Variants in GAN observed in about 807,000 individuals in gnomAD.
GAN encodes gigaxonin.
Under a neutral mutation model 71.3 loss-of-function variants are expected in GAN, and 48 were observed. The ratio of observed to expected loss-of-function variants is 0.67; its 90% CI spans 0.53 to 0.86. GAN has a LOEUF of 0.86. Ranked by LOEUF, GAN falls within the 40% of genes least tolerant of loss-of-function variation. The probability of loss-of-function intolerance (pLI) is 0.00; values close to 1 mark genes in which losing one functional copy is unlikely to be tolerated. For synonymous variants in GAN, 386 were observed against 276.8 expected, an observed-to-expected ratio of 1.39 and a Z score of -3.92; for missense variants, 928 against 770.1, an observed-to-expected ratio of 1.21 and a Z score of -2.43.
intron 9 of GAN, among the ~76,000 whole-genome samples, chr16:81,366,239 G>C (rs117653867): frequency 2.0e-5 from 3 of 152,118 alleles, no homozygotes; most frequent in Non-Finnish European, 4.4e-5. Context: ...GTCCACCTTC[G>C]TCAGCTCTGT....
At chr16:81,333,975 C>T (rs1320341180) in intron 1 of GAN, among the ~76,000 whole-genome samples, 1 of 152,220 alleles carries the variant, frequency 6.6e-6, no homozygotes. Flanking sequence ...AGTTTCATTG[C>T]ACTGCCTTCC....
chr16:81,321,630 A>G (rs1264260059), intron 1 of GAN, among the ~76,000 whole-genome samples: 4 of 152,218 alleles, frequency 2.6e-5, no homozygotes, highest in Non-Finnish European at 5.9e-5. Context: ...ATCTATTTAT[A>G]ATTTGTAAGG....
chr16:81,332,751 T>A (rs1909625725), intron 1 of GAN, among the ~76,000 whole-genome samples: 1 of 152,226 alleles, frequency 6.6e-6, no homozygotes, highest in South Asian at 2.1e-4. Flanking sequence ...ACTAGTCAGT[T>A]ATTTTATAGA....
In GAN at chr16:81,382,091, G is replaced by C. The variant is rs1904308371; in HGVS notation, c.*4495G>C. 6.6e-6 allele frequency: 1 copy of C among 152,156 alleles called. No individual in the cohort carries two copies. Among genetic ancestry groups the C allele is most frequent in the East Asian group, 1.9e-4 (1 of 5,168 alleles). The allele number at this position is 152,156 out of a possible 1,614,324, so 9.4% of individuals were successfully genotyped here. A position where few individuals can be genotyped will look rare whatever the true frequency, so the allele number is the denominator to read the frequency against. ...TATATGGGTGTCAAAATCTTTCCAGGACATACCCCTTTGATCCTCACACCT... is the reference window on the plus strand; with the variant it reads ...TATATGGGTGTCAAAATCTTTCCAGCACATACCCCTTTGATCCTCACACCT... On this transcript the variant is annotated 3_prime_UTR_variant, in exon 11 of 11. Transcript: ENST00000648994.
At chr16:81,354,834 C>T (rs578071268) in intron 3 of GAN, 79 bp downstream of exon 3, 1 of 828,274 alleles carries the variant, frequency 1.2e-6, no homozygotes, top group Non-Finnish European at 2.0e-6. Context: ...TATTTTTCTT[C>T]TTCATCATGA....
chr16:81,376,627 C>T (rs1426938682), intron 9 of GAN, among the ~76,000 whole-genome samples: 5 of 145,166 alleles, frequency 3.4e-5, no homozygotes, highest in South Asian at 4.3e-4. Flanking sequence ...TGTATATATA[C>T]ATACATATAT....
At chr16:81,360,900 C>A (rs888629441) in intron 5 of GAN, among the ~76,000 whole-genome samples, 1 of 152,148 alleles carries the variant, frequency 6.6e-6, no homozygotes, top group African/African-American at 2.4e-5. Flanking sequence ...TGTCTGATAT[C>A]TGTGGCTGCA....
Position 81,377,837 on chromosome 16 carries a change from A to C in GAN, c.*241A>C. ...AGTTAAATGTGGCTGTAGATGTTGGAGGCTAGGGAGGCTAGTAAATATCAA... is the reference window on the plus strand; with the variant it reads ...AGTTAAATGTGGCTGTAGATGTTGGCGGCTAGGGAGGCTAGTAAATATCAA... On this transcript the variant is annotated 3_prime_UTR_variant, in exon 11 of 11. Transcript: ENST00000648994. 1 of 566,252 alleles carries C rather than the reference A, an allele frequency of 1.8e-6. No homozygotes were observed. Among genetic ancestry groups the C allele is most frequent in the Non-Finnish European group, 3.2e-6 (1 of 316,280 alleles). 35.1% of individuals were successfully genotyped at this position (566,252 alleles called of 1,614,324 possible).
chr16:81,337,488 G>A (rs180979423), intron 1 of GAN, among the ~76,000 whole-genome samples: 2 of 152,300 alleles, frequency 1.3e-5, no homozygotes, highest in East Asian at 1.9e-4. Flanking sequence ...ATTCAGTCAC[G>A]TCTAAAATGA....
intron 1 of GAN, among the ~76,000 whole-genome samples, chr16:81,350,071 A>G (rs1910247718): frequency 6.6e-6 from 1 of 152,104 alleles, no homozygotes; most frequent in African/African-American, 2.4e-5. Flanking sequence ...CAGTTTGTTT[A>G]AGAAGTCTTT....
chr16:81,322,107 T>C (rs1473046032), intron 1 of GAN, among the ~76,000 whole-genome samples: 1 of 152,262 alleles, frequency 6.6e-6, no homozygotes, highest in East Asian at 1.9e-4. Context: ...GTCAGATGTT[T>C]GCTGCATTCA....
At position 81,386,163 on chromosome 16, in the gene GAN, A is replaced by G. The variant is rs1904394500; in HGVS notation, c.*8567A>G. 1 of 152,256 alleles carries G rather than the reference A, an allele frequency of 6.6e-6. No homozygotes were observed. Among genetic ancestry groups the G allele is most frequent in the Admixed American group, 6.5e-5 (1 of 15,286 alleles). 9.4% of individuals were successfully genotyped at this position (152,256 alleles called of 1,614,324 possible). The stretch of plus-strand genomic sequence containing the variant: ...CAAAATATGTGTTTAGAATACTTAG[A>G]GTTTGTTATAAATAACCCTCTGTTT... On this transcript the variant is annotated 3_prime_UTR_variant, in exon 11 of 11. Coordinates refer to ENST00000648994, the MANE Select transcript of GAN (RefSeq NM_022041.4).
intron 5 of GAN, among the ~76,000 whole-genome samples, chr16:81,360,034 G>A (rs944284972): frequency 4.6e-5 from 6 of 129,182 alleles, no homozygotes; most frequent in African/African-American, 1.7e-4. Context: ...TGGATGGATG[G>A]ATGGATGGAT....
At chr16:81,329,118 C>T (rs987001130) in intron 1 of GAN, among the ~76,000 whole-genome samples, 1 of 151,904 alleles carries the variant, frequency 6.6e-6, no homozygotes, top group Admixed American at 6.6e-5. Flanking sequence ...AAGGCCTATC[C>T]TCCCTGACTG....
intron 1 of GAN, among the ~76,000 whole-genome samples, chr16:81,326,363 CAAAA>C (rs66769713): frequency 0.9 from 125,648 of 138,846 alleles, 56,721 homozygotes; most frequent in Middle Eastern, 0.94. Flanking sequence ...ACTAAAAATA[CAAAA>C]AAAAAAAAAA....
intron 1 of GAN, among the ~76,000 whole-genome samples, chr16:81,332,161 CAAA>C (rs397855942): frequency 6.6e-5 from 4 of 60,656 alleles, no homozygotes; most frequent in Non-Finnish European, 3.0e-5. Context: ...AAATCTGTCT[CAAA>C]AAAAAAAAAA....
intron 1 of GAN, among the ~76,000 whole-genome samples, chr16:81,349,966 C>G (rs1038212600): frequency 3.3e-5 from 5 of 151,738 alleles, no homozygotes; most frequent in Non-Finnish European, 7.4e-5. Context: ...TTTTTTAAAC[C>G]TTAAATTTTC....
chr16:81,339,556 C>T lies in GAN; in HGVS notation c.168-12027C>T. Among the ~76,000 whole-genome samples the T allele has an allele frequency of 1.3e-5, 2 of 152,188 alleles. 1 individual carries two copies. Among genetic ancestry groups the T allele is most frequent in the Non-Finnish European group, 2.9e-5 (2 of 68,036 alleles). On this transcript the variant is annotated intron_variant, in intron 1 of 10. Coordinates refer to ENST00000648994, the MANE Select transcript of GAN (RefSeq NM_022041.4). ...CATACAGTGATAAAGAGGGCTCCAGCCTCAAGGAACTTGGAGTTTACTAAA... is the reference window on the plus strand; with the variant it reads ...CATACAGTGATAAAGAGGGCTCCAGTCTCAAGGAACTTGGAGTTTACTAAA...
Position 81,365,066 on chromosome 16 carries a change from C to A in GAN, c.1329C>A (p.Pro443=). Residue 443 remains proline, a synonymous_variant, in exon 8 of 11, where the codon CCC becomes CCA. Coordinates refer to ENST00000648994, the MANE Select transcript of GAN (RefSeq NM_022041.4). ...KLFESVECYD[P]RTQQWTAICP... ...TTGAGTCTGTAGAGTGTTATGATCC[C>A]AGGACCCAGCAGTGGACTGCCATAT... The A allele has an allele frequency of 1.2e-6, 2 of 1,613,870 alleles. No individual in the cohort carries two copies. Among genetic ancestry groups the A allele is most frequent in the Non-Finnish European group, 1.7e-6 (2 of 1,179,802 alleles).
Sources: gnomAD v4.1 joint callset for allele counts (sites outside exome capture counted in the v4.1 genomes callset) on GRCh38, gnomAD v4.1.1 for gene constraint, MANE v1.5 for transcripts, NCBI Gene and HGNC (gene_info 2026-07-23, HGNC 2026-07-21) for gene names.